The following PALLD variants were observed in gnomAD, a reference collection of about 807,000 sequenced individuals.
PALLD encodes palladin.
A neutral mutation model predicts 123.5 loss-of-function variants in PALLD; 61 were observed. The ratio of observed to expected loss-of-function variants is 0.49; its 90% confidence interval spans 0.40 to 0.61. PALLD has a LOEUF of 0.61. PALLD is among the 20% of genes least tolerant of loss of function. The probability of loss-of-function intolerance (pLI) is 0.00; values close to 1 mark genes in which losing one functional copy is unlikely to be tolerated. For missense variants in PALLD, 1,273 were observed against 1,377.0 expected, an observed-to-expected ratio of 0.92 and a Z score of 1.20; for synonymous variants, 465 against 496.4, an observed-to-expected ratio of 0.94 and a Z score of 0.84.
At chr4:168,677,128 C>T (rs962329802) in intron 3 of PALLD, among the ~76,000 whole-genome samples, 11 of 151,422 alleles carry the variant, frequency 7.3e-5, no homozygotes, top group Non-Finnish European at 1.0e-4. Context: ...CTGAAAGTGA[C>T]GGTTAATAAA....
intron 10 of PALLD, among the ~76,000 whole-genome samples, chr4:168,716,216 CGA>C (rs1561440209): frequency 6.6e-6 from 1 of 152,058 alleles, no homozygotes. Flanking sequence ...AGCCTGTAGA[CGA>C]GCAAAATGAG....
intron 10 of PALLD, among the ~76,000 whole-genome samples, chr4:168,773,650 A>G (rs1734752601): frequency 6.6e-6 from 1 of 152,138 alleles, no homozygotes; most frequent in Non-Finnish European, 1.5e-5. Flanking sequence ...CTCAGCCATC[A>G]TCGTGTACTG....
At chr4:168,881,193 CTG>C (rs1343718032) in intron 10 of PALLD, among the ~76,000 whole-genome samples, 2 of 152,216 alleles carry the variant, frequency 1.3e-5, no homozygotes, top group Non-Finnish European at 1.5e-5. Flanking sequence ...GCCTGAGCCA[CTG>C]TGTCCAGTCT....
At position 168,912,882 on chromosome 4, in the gene PALLD, C is replaced by T. The variant is rs961780633; in HGVS notation, c.2623-1045C>T. Among the ~76,000 whole-genome samples, 10 of 152,236 alleles carry T rather than the reference C, an allele frequency of 6.6e-5. No homozygotes were observed. The East Asian group carries it at 7.7e-4, about 12-fold the overall frequency. ...GGCTATCTCCCCGACCCCACCACCC[C>T]GTCAAAATTTCAATTGACAAATTTA... On this transcript the variant is annotated intron_variant, in intron 15 of 21. Transcript: ENST00000505667.
At chr4:168,520,628 C>T (rs6552873) in intron 2 of PALLD, among the ~76,000 whole-genome samples, 112,595 of 152,072 alleles carry the variant, frequency 0.74, 41,910 homozygotes, top group East Asian at 0.86. Context: ...CAGACCTTAG[C>T]GAAATGGAAT....
At chr4:168,900,668 G>A (rs867916457) in intron 14 of PALLD, among the ~76,000 whole-genome samples, 2 of 152,106 alleles carry the variant, frequency 1.3e-5, no homozygotes, top group Middle Eastern at 3.2e-3. Flanking sequence ...AAAGATCAAA[G>A]AAAAGAGCCT....
chr4:168,626,568 G>A (rs1002620855), intron 2 of PALLD, among the ~76,000 whole-genome samples: 3 of 151,866 alleles, frequency 2.0e-5, no homozygotes, highest in African/African-American at 4.8e-5. Flanking sequence ...AAACTTAGCC[G>A]GGTATGGTGG....
chr4:168,832,229 T>A, intron 10 of PALLD: 2 of 977,350 alleles, frequency 2.0e-6, no homozygotes, highest in South Asian at 4.7e-5. Context: ...TTAAAGGGAG[T>A]GCAGCGTGCA....
intron 10 of PALLD, among the ~76,000 whole-genome samples, chr4:168,830,799 C>CCT (rs1294200455): frequency 6.6e-6 from 1 of 152,112 alleles, no homozygotes; most frequent in African/African-American, 2.4e-5. Context: ...AGACAGTGAA[C>CCT]CTAGCAATGC....
intron 10 of PALLD, among the ~76,000 whole-genome samples, chr4:168,729,369 G>A (rs1786924582): frequency 6.6e-6 from 1 of 151,230 alleles, no homozygotes; most frequent in African/African-American, 2.4e-5. Flanking sequence ...TTGCTATGTT[G>A]CCCAGGCTGG....
intron 15 of PALLD, 59 bp downstream of exon 15, chr4:168,903,965 T>G: frequency 6.9e-7 from 1 of 1,454,608 alleles, no homozygotes; most frequent in Non-Finnish European, 9.7e-7. Flanking sequence ...GGCATTTGAT[T>G]AGACAAAGGA....
At chr4:168,621,959 C>T (rs1011933488) in intron 2 of PALLD, among the ~76,000 whole-genome samples, 3 of 152,076 alleles carry the variant, frequency 2.0e-5, no homozygotes, top group African/African-American at 7.2e-5. Context: ...TATGGGCACC[C>T]TAGGGTTTGT....
chr4:168,604,700 GA>G (rs573642557), intron 2 of PALLD, among the ~76,000 whole-genome samples: 56 of 152,308 alleles, frequency 3.7e-4, no homozygotes, highest in African/African-American at 1.3e-3. Context: ...TGCTGTCAGT[GA>G]CTGGAAAGGA....
At chr4:168,759,052 A>G (rs1411604158) in intron 10 of PALLD, among the ~76,000 whole-genome samples, 4 of 150,770 alleles carry the variant, frequency 2.7e-5, no homozygotes, top group African/African-American at 9.7e-5. Flanking sequence ...GATAGCAGGT[A>G]CCTGTAATCC....
At chr4:168,806,713 G>T (rs955225068) in intron 10 of PALLD, among the ~76,000 whole-genome samples, 2 of 152,174 alleles carry the variant, frequency 1.3e-5, no homozygotes, top group South Asian at 2.1e-4. Context: ...AACGTAGATG[G>T]TCTGCCTTCA....
At chr4:168,754,120 T>A (rs1268385868) in intron 10 of PALLD, among the ~76,000 whole-genome samples, 12 of 152,206 alleles carry the variant, frequency 7.9e-5, no homozygotes, top group Admixed American at 7.2e-4. Flanking sequence ...CTAGTAATTG[T>A]CCTTGTAGAA....
chr4:168,904,105 G>T lies in PALLD; in HGVS notation c.2622+199G>T, dbSNP rs1757118806. On this transcript the variant is annotated intron_variant, in intron 15 of 21. Transcript: ENST00000505667. ...TGAATACTTATTTATTCCATCAGGT[G>T]TTATTCTACTCCTTCCACAAATATT... The T allele has an allele frequency of 5.1e-6, 3 of 593,614 alleles. No homozygotes were observed. The Admixed American group carries it at 8.3e-5, about 16-fold the overall frequency. The allele number at this position is 593,614 out of a possible 1,614,324, so 36.8% of individuals were successfully genotyped here.
chr4:168,686,815 A>C (rs915820694), intron 6 of PALLD: 5 of 152,202 alleles, frequency 3.3e-5, no homozygotes, highest in African/African-American at 1.2e-4. Context: ...GCCAGGATAC[A>C]CCTGAGGAAG....
intron 13 of PALLD, among the ~76,000 whole-genome samples, chr4:168,897,288 A>G (rs1755414905): frequency 1.3e-5 from 2 of 152,252 alleles, no homozygotes; most frequent in Non-Finnish European, 2.9e-5. Flanking sequence ...AACTTGTGGT[A>G]TAACTCTTGC....
Sources: gnomAD v4.1 joint callset for allele counts (sites outside exome capture counted in the v4.1 genomes callset) on GRCh38, gnomAD v4.1.1 for gene constraint, MANE v1.5 for transcripts, NCBI Gene and HGNC (gene_info 2026-07-23, HGNC 2026-07-21) for gene names.